The following SUSD6 variants were observed in gnomAD, a reference collection of about 807,000 sequenced individuals.
SUSD6 encodes the protein sushi domain-containing protein 6.
Under a neutral mutation model 28.4 loss-of-function variants are expected in SUSD6, and 16 were observed. That is an observed-to-expected ratio of 0.56 (90% CI 0.38 to 0.86). The LOEUF is 0.86. Ranked by LOEUF, SUSD6 falls within the 40% of genes least tolerant of loss-of-function variation. The pLI is 0.00. For missense variants in SUSD6, 341 were observed against 384.2 expected (o/e 0.89, Z 0.94); for synonymous variants, 147 against 159.6 (o/e 0.92, Z 0.59).
intron 2 of SUSD6, among the ~76,000 whole-genome samples, chr14:69,693,370 G>T (rs1199497410): frequency 6.6e-6 from 1 of 152,108 alleles, no homozygotes; most frequent in Non-Finnish European, 1.5e-5. Flanking sequence ...AGGGTAACAG[G>T]CCATATGGAG....
intron 1 of SUSD6, among the ~76,000 whole-genome samples, chr14:69,612,053 G>A (rs1031403129): frequency 2.0e-5 from 3 of 150,050 alleles, no homozygotes; most frequent in African/African-American, 4.9e-5. Flanking sequence ...CGGCCAGCCG[G>A]CCAGCAGTGG....
intron 2 of SUSD6, among the ~76,000 whole-genome samples, chr14:69,688,917 G>A (rs974206764): frequency 3.9e-5 from 6 of 152,158 alleles, no homozygotes; most frequent in African/African-American, 1.4e-4. Flanking sequence ...CTTTAGCCTT[G>A]CATTCAGGGC....
intron 1 of SUSD6, among the ~76,000 whole-genome samples, chr14:69,651,453 T>C (rs1427440305): frequency 6.6e-6 from 1 of 152,164 alleles, no homozygotes; most frequent in Non-Finnish European, 1.5e-5. Context: ...TGTTTGTGAT[T>C]TGGAGGCTGT....
At chr14:69,641,682 T>G (rs1885355114) in intron 1 of SUSD6, among the ~76,000 whole-genome samples, 1 of 152,090 alleles carries the variant, frequency 6.6e-6, no homozygotes. Context: ...CTCAACCTCC[T>G]GGGCTCAAGC....
chr14:69,704,664 G>A lies in SUSD6; in HGVS notation c.380G>A (p.Ser127Asn). The change falls in exon 4 of 6, where the codon AGC (serine) becomes AAC (asparagine). Residue 127 changes from serine (S) to asparagine (N), a missense_variant. Transcript: ENST00000342745. ...PTLSIVASTA[S>N]SVALILLLVV... ...CTGTCTATAGTGGCTTCTACTGCCA[G>A]CTCCGTGGCGCTCATTCTCCTCCTC... The A allele has an allele frequency of 1.2e-6, 2 of 1,614,160 alleles. No individual in the cohort carries two copies. The highest frequency in any genetic ancestry group is 1.7e-6 in the Non-Finnish European group (2 of 1,180,004).
intron 2 of SUSD6, among the ~76,000 whole-genome samples, chr14:69,683,680 T>C (rs1344629345): frequency 6.6e-6 from 1 of 152,154 alleles, no homozygotes; most frequent in Non-Finnish European, 1.5e-5. Context: ...AGCCAAAGTG[T>C]GGAGACATGC....
In SUSD6 at chr14:69,623,288, A is replaced by G. The variant is rs541103774; in HGVS notation, c.-81+11460A>G. ...AGTGTAATAACATTTTGCTGCATAT[A>G]TGATGGTGGTTCCATAAGATTATAA... On this transcript the variant is annotated intron_variant, in intron 1 of 5. Coordinates refer to ENST00000342745, the MANE Select transcript of SUSD6 (RefSeq NM_014734.4). Among the ~76,000 whole-genome samples, 2 of 152,340 alleles carry G rather than the reference A, an allele frequency of 1.3e-5. 1 individual carries two copies. Among genetic ancestry groups the G allele is most frequent in the South Asian group, 4.1e-4 (2 of 4,828 alleles).
intron 1 of SUSD6, among the ~76,000 whole-genome samples, chr14:69,616,122 G>A (rs1378779003): frequency 6.6e-6 from 1 of 152,174 alleles, no homozygotes; most frequent in Admixed American, 6.5e-5. Flanking sequence ...GTTTGCAGAC[G>A]GCAGAGGTGG....
At chr14:69,641,813 C>A (rs1485874677) in intron 1 of SUSD6, among the ~76,000 whole-genome samples, 1 of 151,882 alleles carries the variant, frequency 6.6e-6, no homozygotes, top group East Asian at 1.9e-4. Flanking sequence ...CTATGTTGCC[C>A]AGGCTGGTCT....
chr14:69,614,069 T>C (rs1884921736), intron 1 of SUSD6, among the ~76,000 whole-genome samples: 1 of 152,234 alleles, frequency 6.6e-6, no homozygotes, highest in African/African-American at 2.4e-5. Context: ...TGTTCTTTTT[T>C]ATTTTTTATT....
Position 69,644,479 on chromosome 14 carries a change from G to T in SUSD6, c.-80-14034G>T, listed in dbSNP as rs533420793. Among the ~76,000 whole-genome samples, 4 of 152,182 alleles carry T rather than the reference G, an allele frequency of 2.6e-5. No homozygotes were observed. In the East Asian group the frequency reaches 7.7e-4, roughly 29 times the overall value. On this transcript the variant is annotated intron_variant, in intron 1 of 5. Transcript: ENST00000342745. ...ATCCTGGCCAACATGGTGAAACCCT[G>T]TCTCTTCTAGAAATAGAAAAATTAG...
At chr14:69,651,857 C>G (rs992185372) in intron 1 of SUSD6, among the ~76,000 whole-genome samples, 2 of 152,174 alleles carry the variant, frequency 1.3e-5, no homozygotes, top group Admixed American at 1.3e-4. Flanking sequence ...CTGTATTAGT[C>G]ATTTCTCTTA....
intron 1 of SUSD6, among the ~76,000 whole-genome samples, chr14:69,640,102 C>CTATAGACT (rs2139602354): frequency 6.6e-6 from 1 of 151,000 alleles, no homozygotes; most frequent in East Asian, 1.9e-4. Flanking sequence ...AAACTATTAA[C>CTATAGACT]TATAGACTCC....
chr14:69,632,318 C>T (rs1885206563), intron 1 of SUSD6, among the ~76,000 whole-genome samples: 1 of 152,094 alleles, frequency 6.6e-6, no homozygotes, highest in African/African-American at 2.4e-5. Flanking sequence ...TTTCTGGGAG[C>T]CAGGCTGGCC....
At chr14:69,642,269 G>A (rs1362851075) in intron 1 of SUSD6, among the ~76,000 whole-genome samples, 9 of 152,106 alleles carry the variant, frequency 5.9e-5, no homozygotes, top group African/African-American at 7.2e-5. Flanking sequence ...GGGTGAGTCC[G>A]GAATAGCTAA....
In SUSD6 at chr14:69,709,573, C is replaced by G. The variant is rs181342381; in HGVS notation, c.886+469C>G. Among the ~76,000 whole-genome samples the G allele has an allele frequency of 1.2e-3, 176 of 152,320 alleles. 2 individuals carry two copies. Among genetic ancestry groups the G allele is most frequent in the African/African-American group, 4.1e-3 (169 of 41,566 alleles). ...GTTTTCTTGCACTATCTCAGTTAAA[C>G]ATCACAGTGATCCTAAGACACAGGT... On this transcript the variant is annotated intron_variant, in intron 5 of 5. Transcript: ENST00000342745.
intron 2 of SUSD6, among the ~76,000 whole-genome samples, chr14:69,681,504 G>T (rs905392272): frequency 1.3e-5 from 2 of 152,228 alleles, no homozygotes; most frequent in Non-Finnish European, 2.9e-5. Context: ...GACTGCTGAC[G>T]TAAGTGGCCT....
intron 2 of SUSD6, among the ~76,000 whole-genome samples, chr14:69,697,146 C>G (rs1305756852): frequency 1.3e-5 from 2 of 152,122 alleles, no homozygotes; most frequent in African/African-American, 2.4e-5. Flanking sequence ...ACTGTCATGG[C>G]TATGGTGGGG....
At chr14:69,658,320 G>A (rs1476687695) in intron 1 of SUSD6, among the ~76,000 whole-genome samples, 193 bp from the exon 2 acceptor site, 1 of 152,200 alleles carries the variant, frequency 6.6e-6, no homozygotes, top group African/African-American at 2.4e-5. Flanking sequence ...GCTTCTGCAC[G>A]CTGCAGGCCT....
Sources: gnomAD v4.1 joint callset for allele counts (sites outside exome capture counted in the v4.1 genomes callset) on GRCh38, gnomAD v4.1.1 for gene constraint, MANE v1.5 for transcripts, NCBI Gene and HGNC (gene_info 2026-07-23, HGNC 2026-07-21) for gene names.